Variants in IMMP2L observed in about 807,000 individuals in gnomAD.
IMMP2L encodes mitochondrial inner membrane protease subunit 2.
IMMP2L carries 18 observed loss-of-function variants against 19.3 expected under a neutral mutation model. That is an observed-to-expected ratio of 0.93 (90% CI 0.64 to 1.38). The LOEUF is 1.38. Ranked by LOEUF, IMMP2L falls within the 40% of genes most tolerant of loss-of-function variation. IMMP2L has a pLI of 0.00. For synonymous variants in IMMP2L, 76 were observed against 73.0 expected (o/e 1.04, Z -0.21); for missense variants, 233 against 218.2 (o/e 1.07, Z -0.43).
intron 3 of IMMP2L, among the ~76,000 whole-genome samples, chr7:111,436,049 A>C (rs1473001458): frequency 6.6e-6 from 1 of 151,752 alleles, no homozygotes; most frequent in Non-Finnish European, 1.5e-5. Flanking sequence ...ACCTCTGTGG[A>C]CTTCAATTAG....
intron 3 of IMMP2L, among the ~76,000 whole-genome samples, chr7:111,179,511 T>C (rs1807469698): frequency 6.6e-6 from 1 of 152,028 alleles, no homozygotes; most frequent in South Asian, 2.1e-4. Flanking sequence ...AGAGAAGTGC[T>C]GTCATCCAGA....
chr7:111,512,399 T>C (rs28679551), intron 2 of IMMP2L, among the ~76,000 whole-genome samples: 33,924 of 152,006 alleles, frequency 0.22, 5,510 homozygotes, highest in African/African-American at 0.46. Flanking sequence ...AGCATAAGGT[T>C]CCTTTCTCAG....
At chr7:110,853,625 C>G (rs1051983923) in intron 5 of IMMP2L, among the ~76,000 whole-genome samples, 4 of 151,964 alleles carry the variant, frequency 2.6e-5, no homozygotes, top group Non-Finnish European at 5.9e-5. Flanking sequence ...TACATGAAGT[C>G]AGATAATGCC....
intron 3 of IMMP2L, among the ~76,000 whole-genome samples, chr7:111,474,963 A>ATTTGG (rs1175190796): frequency 9.9e-5 from 15 of 152,136 alleles, no homozygotes; most frequent in Non-Finnish European, 7.4e-5. Context: ...ACTATACGGT[A>ATTTGG]ACTTTCTAGC....
At chr7:111,524,913 G>A (rs1324049546) in intron 1 of IMMP2L, among the ~76,000 whole-genome samples, 1 of 152,070 alleles carries the variant, frequency 6.6e-6, no homozygotes, top group Non-Finnish European at 1.5e-5. Flanking sequence ...CATCTACCCA[G>A]TCACTTACTA....
chr7:111,190,923 A>T (rs992936884), intron 3 of IMMP2L, among the ~76,000 whole-genome samples: 1 of 152,140 alleles, frequency 6.6e-6, no homozygotes, highest in African/African-American at 2.4e-5. Context: ...CATCTAAATG[A>T]CAGTATATGT....
chr7:110,962,033 T>C (rs1013532893), intron 4 of IMMP2L, among the ~76,000 whole-genome samples: 3 of 151,942 alleles, frequency 2.0e-5, no homozygotes, highest in African/African-American at 4.8e-5. Flanking sequence ...CTAAAACTCA[T>C]TGAACTGTAT....
At chr7:111,304,256 A>C (rs1822582068) in intron 3 of IMMP2L, among the ~76,000 whole-genome samples, 1 of 152,080 alleles carries the variant, frequency 6.6e-6, no homozygotes, top group African/African-American at 2.4e-5. Flanking sequence ...ATGAGATGAG[A>C]AATCAATGTC....
intron 3 of IMMP2L, among the ~76,000 whole-genome samples, chr7:111,282,282 G>C (rs1819971919): frequency 6.6e-6 from 1 of 152,156 alleles, no homozygotes; most frequent in Non-Finnish European, 1.5e-5. Context: ...TAAGGCAAAT[G>C]ATCTTCAGAG....
chr7:110,729,013 CCT>C (rs1320342931), intron 5 of IMMP2L, among the ~76,000 whole-genome samples: 1 of 151,990 alleles, frequency 6.6e-6, no homozygotes, highest in Non-Finnish European at 1.5e-5. Flanking sequence ...GCCTCAGCCC[CCT>C]GAGTGATTAC....
intron 3 of IMMP2L, among the ~76,000 whole-genome samples, chr7:111,225,307 T>C (rs1812962097): frequency 6.6e-6 from 1 of 152,124 alleles, no homozygotes; most frequent in Non-Finnish European, 1.5e-5. Context: ...ATATTGCCAC[T>C]GTAAGAGCTT....
chr7:111,392,036 T>A, intron 3 of IMMP2L: 1 of 701,252 alleles, frequency 1.4e-6, no homozygotes, highest in Non-Finnish European at 2.6e-6. Context: ...ATATGCAAAT[T>A]CTTCATTACC....
chr7:110,699,719 G>C (rs1794127851), intron 5 of IMMP2L, among the ~76,000 whole-genome samples: 1 of 148,752 alleles, frequency 6.7e-6, no homozygotes, highest in Non-Finnish European at 1.5e-5. Flanking sequence ...AGTGAGCTGA[G>C]ATTGCACCAC....
intron 3 of IMMP2L, among the ~76,000 whole-genome samples, chr7:111,476,698 T>C (rs111677377): frequency 2.6e-5 from 4 of 152,264 alleles, no homozygotes; most frequent in African/African-American, 9.6e-5. Context: ...TCCTTGCTGA[T>C]CTTTGATTGA....
chr7:111,129,960 A>G (rs962702945), intron 3 of IMMP2L, among the ~76,000 whole-genome samples: 2 of 152,180 alleles, frequency 1.3e-5, no homozygotes, highest in Non-Finnish European at 2.9e-5. Flanking sequence ...TGGCCTAAAC[A>G]TTTCATTTAC....
At chr7:111,208,956 G>A (rs2129617928) in intron 3 of IMMP2L, among the ~76,000 whole-genome samples, 1 of 152,232 alleles carries the variant, frequency 6.6e-6, no homozygotes, top group African/African-American at 2.4e-5. Flanking sequence ...TACACATGCT[G>A]TAAACGTTCA....
rs995953633 is a variant in IMMP2L, at chr7:110,757,457, G to A, written c.409-93736C>T. ...GTCTTTTATTTGGATCACCAGATACGCTCTCCACATTTCTCTTGAACTCTT... is the reference window on the plus strand; with the variant it reads ...GTCTTTTATTTGGATCACCAGATACACTCTCCACATTTCTCTTGAACTCTT... On this transcript the variant is annotated intron_variant, in intron 5 of 5. Transcript: ENST00000405709. The surrounding 1 kb of genome is among the most constrained non-coding windows in gnomAD (Gnocchi z 4.2). Among the ~76,000 whole-genome samples the A allele has an allele frequency of 1.3e-5, 2 of 152,050 alleles. No homozygotes were observed. The highest frequency in any genetic ancestry group is 2.4e-5 in the African/African-American group (1 of 41,406).
At chr7:111,089,944 T>C (rs1319321751) in intron 3 of IMMP2L, among the ~76,000 whole-genome samples, 1 of 151,908 alleles carries the variant, frequency 6.6e-6, no homozygotes, top group East Asian at 1.9e-4. Flanking sequence ...AGCAATTAGA[T>C]GTGAAGGTTT....
At chr7:111,147,181 T>G (rs192394255) in intron 3 of IMMP2L, among the ~76,000 whole-genome samples, 19 of 152,138 alleles carry the variant, frequency 1.2e-4, no homozygotes, top group Non-Finnish European at 2.4e-4. Flanking sequence ...TAACTAAATT[T>G]TGTTTCCTCT....
Sources: allele counts gnomAD v4.1 joint callset (sites outside exome capture counted in the v4.1 genomes callset), GRCh38; gene constraint gnomAD v4.1.1; non-coding constraint Gnocchi (gnomAD v3.1); transcripts MANE v1.5; gene names NCBI Gene and HGNC (gene_info 2026-07-23, HGNC 2026-07-21).